The following RCAN3 variants were observed in gnomAD, a reference collection of about 807,000 sequenced individuals.
RCAN3 encodes the protein calcipressin-3.
RCAN3 carries 19 observed loss-of-function variants against 21.9 expected under a neutral mutation model. The observed-to-expected ratio is 0.87, with a 90% CI of 0.61 to 1.27. RCAN3 has a LOEUF of 1.27. Ranked by LOEUF, RCAN3 falls within the 50% of genes most tolerant of loss-of-function variation. The probability of loss-of-function intolerance (pLI) is 0.00; values close to 1 mark genes in which losing one functional copy is unlikely to be tolerated. For missense variants in RCAN3, 240 were observed against 300.1 expected, an observed-to-expected ratio of 0.80 and a Z score of 1.48; for synonymous variants, 114 against 112.3, an observed-to-expected ratio of 1.01 and a Z score of -0.09.
chr1:24,516,659 G>A (rs1031373315), intron 2 of RCAN3, among the ~76,000 whole-genome samples: 3 of 152,168 alleles, frequency 2.0e-5, no homozygotes, highest in African/African-American at 7.2e-5. Context: ...GTGGGAAACG[G>A]TCGGAGGGTT....
rs2148916702 is a variant in RCAN3 at position 24,536,103 on chromosome 1, A to C, written c.*826A>C. On this transcript the variant is annotated 3_prime_UTR_variant, in exon 5 of 5. Transcript: ENST00000374395. ...GTGACCGTGTTCTAGCCTGTAGACC[A>C]CCCAGCTACCTTCATTCACCAGTTT... 6.6e-6 allele frequency: 1 copy of C among 152,206 alleles called. No homozygotes were observed. The highest frequency in any genetic ancestry group is 1.5e-5 in the Non-Finnish European group (1 of 68,012). 9.4% of individuals were successfully genotyped at this position (152,206 alleles called of 1,614,324 possible).
At chr1:24,503,452 C>T (rs891563332) in intron 1 of RCAN3, among the ~76,000 whole-genome samples, 13 of 152,176 alleles carry the variant, frequency 8.5e-5, no homozygotes, top group African/African-American at 2.9e-4. Flanking sequence ...GTGTGTTTGA[C>T]CTTTTGAAAA....
intron 1 of RCAN3, among the ~76,000 whole-genome samples, chr1:24,510,288 C>G (rs1412538760): frequency 6.6e-6 from 1 of 152,202 alleles, no homozygotes; most frequent in African/African-American, 2.4e-5. Context: ...TGAAGCCAGG[C>G]ATTGACTTCT....
chr1:24,514,674 A>G, intron 2 of RCAN3, 107 bp downstream of exon 2: 1 of 1,155,464 alleles, frequency 8.7e-7, no homozygotes, highest in South Asian at 1.5e-5. Flanking sequence ...TAGAAAGTGT[A>G]TGTCCACTTT....
chr1:24,537,268 A>T lies in RCAN3; in HGVS notation c.*1991A>T, dbSNP rs370366780. The T allele has an allele frequency of 1.3e-5, 2 of 149,054 alleles. No homozygotes were observed. Among genetic ancestry groups the T allele is most frequent in the Admixed American group, 6.7e-5 (1 of 14,930 alleles). 9.2% of individuals were successfully genotyped at this position (149,054 alleles called of 1,614,324 possible). The stretch of plus-strand genomic sequence containing the variant: ...GCAGTGCAAATTACAGTGCTTTTCT[A>T]TTTTTTTTTTGAGAGCCTTGAATAA... On this transcript the variant is annotated 3_prime_UTR_variant, in exon 5 of 5. Transcript: ENST00000374395.
intron 2 of RCAN3, among the ~76,000 whole-genome samples, chr1:24,517,275 C>T (rs1417628177): frequency 1.3e-5 from 2 of 151,908 alleles, no homozygotes; most frequent in Admixed American, 6.6e-5. Flanking sequence ...CCACAATGCC[C>T]GGCTAATTTT....
upstream of RCAN3, chr1:24,502,592 G>C (rs534586086): frequency 6.6e-6 from 1 of 152,658 alleles, no homozygotes; most frequent in Non-Finnish European, 1.5e-5. Context: ...GGCTCTCTCC[G>C]CTCCCGGTGG....
chr1:24,513,049 A>C (rs1488073733), intron 1 of RCAN3, among the ~76,000 whole-genome samples: 1 of 152,074 alleles, frequency 6.6e-6, no homozygotes, highest in Non-Finnish European at 1.5e-5. Context: ...CATCCTGGCT[A>C]ACACAGTGAA....
At chr1:24,534,331 G>A (rs1199492710) in intron 4 of RCAN3, among the ~76,000 whole-genome samples, 1 of 152,100 alleles carries the variant, frequency 6.6e-6, no homozygotes, top group Non-Finnish European at 1.5e-5. Flanking sequence ...GGCTGGGTGC[G>A]GTGGCTCACA....
rs1335315769 is a variant in RCAN3, at chr1:24,540,355, A to G, written c.*5078A>G. On this transcript the variant is annotated 3_prime_UTR_variant, in exon 5 of 5. Coordinates refer to ENST00000374395, the MANE Select transcript of RCAN3 (RefSeq NM_013441.4). ...GTGGTCTGTCTGGATGTAAACCTAT[A>G]TATTTCCTTTTGAAACAGAATCATA... 6.6e-6 allele frequency: 1 copy of G among 152,292 alleles called. No individual in the cohort carries two copies. Among genetic ancestry groups the G allele is most frequent in the African/African-American group, 2.4e-5 (1 of 41,434 alleles). 9.4% of individuals were successfully genotyped at this position (152,292 alleles called of 1,614,324 possible).
intron 1 of RCAN3, among the ~76,000 whole-genome samples, chr1:24,506,935 G>A (rs573508012): frequency 1.1e-4 from 17 of 152,116 alleles, no homozygotes; most frequent in African/African-American, 2.4e-4. Flanking sequence ...CCAAAAACCC[G>A]GGCACAGTAT....
At chr1:24,509,384 A>T (rs962822474) in intron 1 of RCAN3, among the ~76,000 whole-genome samples, 1 of 152,234 alleles carries the variant, frequency 6.6e-6, no homozygotes, top group African/African-American at 2.4e-5. Flanking sequence ...TCAAAATTGC[A>T]GCCAATCCTC....
intron 2 of RCAN3, among the ~76,000 whole-genome samples, chr1:24,522,487 C>G (rs1415890211): frequency 6.6e-6 from 1 of 152,216 alleles, no homozygotes; most frequent in Non-Finnish European, 1.5e-5. Flanking sequence ...CTGAAGCCAA[C>G]AGTTCTCAGG....
At position 24,535,142 on chromosome 1, in the gene RCAN3, G is replaced by A. The variant is rs563082030; in HGVS notation, c.591G>A (p.Val197=). The A allele has an allele frequency of 1.9e-6, 3 of 1,597,368 alleles. No homozygotes were observed. The South Asian group carries it at 3.4e-5, about 18-fold the overall frequency. ...HAGTESTPSV[V]VHVCESETEE... ...GAACAGAGTCGACACCCAGCGTGGT[G>A]GTTCATGTCTGTGAAAGTGAAACTG... Residue 197 remains valine (V), a synonymous_variant, in exon 5 of 5, where the codon GTG becomes GTA. Coordinates refer to ENST00000374395, the MANE Select transcript of RCAN3 (RefSeq NM_013441.4).
At chr1:24,523,323 C>T (rs1389381937) in intron 2 of RCAN3, among the ~76,000 whole-genome samples, 2 of 151,954 alleles carry the variant, frequency 1.3e-5, no homozygotes, top group Non-Finnish European at 2.9e-5. Context: ...CCTTGGCCTC[C>T]CAAAGTGCTG....
Position 24,525,461 on chromosome 1 carries a change from C to A in RCAN3, c.196-5757C>A, listed in dbSNP as rs1209703987. ...TTTAGGCTGCATTGTTTGTGTTATGCCTGTAGACGTTGTGCTGCCAGAGGG... is the reference window on the plus strand; with the variant it reads ...TTTAGGCTGCATTGTTTGTGTTATGACTGTAGACGTTGTGCTGCCAGAGGG... On this transcript the variant is annotated intron_variant, in intron 2 of 4. Transcript: ENST00000374395. The surrounding 1 kb of genome is among the most constrained non-coding windows in gnomAD (Gnocchi z 4.1). Among the ~76,000 whole-genome samples, 4 of 152,078 alleles carry A rather than the reference C, an allele frequency of 2.6e-5. No homozygotes were observed. In the East Asian group the frequency reaches 7.7e-4, roughly 29 times the overall value.
At position 24,537,655 on chromosome 1, in the gene RCAN3, T is replaced by G. The variant is rs189897192; in HGVS notation, c.*2378T>G. On this transcript the variant is annotated 3_prime_UTR_variant, in exon 5 of 5. Transcript: ENST00000374395. ...GGCTCACACCATAATCCCAGCACTT[T>G]GGGAGGCCAAGGTGGGTGGATCCAC... 6.6e-6 allele frequency: 1 copy of G among 152,134 alleles called. No individual in the cohort carries two copies. The highest frequency in any genetic ancestry group is 1.5e-5 in the Non-Finnish European group (1 of 68,038). 9.4% of individuals were successfully genotyped at this position (152,134 alleles called of 1,614,324 possible).
At chr1:24,528,254 GAAAAAAAA>G (rs57400823) in intron 2 of RCAN3, among the ~76,000 whole-genome samples, 4 of 122,144 alleles carry the variant, frequency 3.3e-5, no homozygotes, top group African/African-American at 1.3e-4. Context: ...TGGAAAAAAA[GAAAAAAAA>G]AAAAAGAAAA....
chr1:24,514,695 G>T (rs1036420809), intron 2 of RCAN3, 128 bp downstream of exon 2: 8 of 890,460 alleles, frequency 9.0e-6, no homozygotes, highest in Non-Finnish European at 1.2e-5. Flanking sequence ...TAGGCCGGGC[G>T]CATTGGCTCA....
Sources: gnomAD v4.1 joint callset for allele counts (sites outside exome capture counted in the v4.1 genomes callset) on GRCh38, gnomAD v4.1.1 for gene constraint, Gnocchi (gnomAD v3.1) non-coding constraint, MANE v1.5 for transcripts, NCBI Gene and HGNC (gene_info 2026-07-23, HGNC 2026-07-21) for gene names.